The following KIF1B variants were observed in gnomAD, a reference collection of about 807,000 sequenced individuals.
The protein encoded by KIF1B is kinesin family member 1B.
In KIF1B, 76 loss-of-function variants were observed where a neutral mutation model predicts 241.9. That is an observed-to-expected ratio of 0.31 (90% CI 0.26 to 0.38). The LOEUF is 0.38. KIF1B is among the 10% of genes least tolerant of loss of function. The pLI is 1.00. For missense variants in KIF1B, 1,622 were observed against 2,271.4 expected, an observed-to-expected ratio of 0.71 and a Z score of 5.81; for synonymous variants, 750 against 796.7, an observed-to-expected ratio of 0.94 and a Z score of 0.99.
chr1:10,328,116 A>G (rs934574085), intron 27 of KIF1B, among the ~76,000 whole-genome samples: 3 of 152,088 alleles, frequency 2.0e-5, no homozygotes, highest in African/African-American at 7.2e-5. Context: ...TTTGAGCCCA[A>G]GAGTTTGAGG....
At chr1:10,333,528 A>G (rs1296833930) in intron 27 of KIF1B, among the ~76,000 whole-genome samples, 4 of 151,900 alleles carry the variant, frequency 2.6e-5, no homozygotes, top group African/African-American at 9.7e-5. Flanking sequence ...TGTCTCTAGT[A>G]AAAATACAAA....
intron 27 of KIF1B, among the ~76,000 whole-genome samples, chr1:10,327,193 C>T (rs1244453810): frequency 6.6e-6 from 1 of 151,652 alleles, no homozygotes; most frequent in Non-Finnish European, 1.5e-5. Context: ...CCATGAAACC[C>T]GTCTCTACTA....
Position 10,303,020 on chromosome 1 carries a change from T to G in KIF1B, c.2115+5774T>G. The stretch of plus-strand genomic sequence containing the variant: ...CATTATTGAGGGGTTTTTTTTGGTT[T>G]TGTTTTGTTTTTTAGTTTTTTTGGT... On this transcript the variant is annotated intron_variant, in intron 22 of 48. Coordinates refer to ENST00000676179, the MANE Select transcript of KIF1B (RefSeq NM_001365951.3). The surrounding 1 kb of genome is among the most constrained non-coding windows in gnomAD (Gnocchi z 5.2). The G allele has an allele frequency of 2.1e-6, 2 of 953,108 alleles. No homozygotes were observed. The highest frequency in any genetic ancestry group is 1.5e-6 in the Non-Finnish European group (1 of 647,100). The allele number at this position is 953,108 out of a possible 1,614,324, so 59.0% of individuals were successfully genotyped here. A position where few individuals can be genotyped will look rare whatever the true frequency, so the allele number is the denominator to read the frequency against.
At chr1:10,375,737 T>A (rs1390950827) in intron 48 of KIF1B, among the ~76,000 whole-genome samples, 8 of 151,502 alleles carry the variant, frequency 5.3e-5, no homozygotes, top group Non-Finnish European at 1.2e-4. Flanking sequence ...TTCAGGAATA[T>A]CAGGATAAAT....
At position 10,295,643 on chromosome 1, in the gene KIF1B, CT is replaced by C; in HGVS notation, c.1671-14del. ...TGTGTCTGAATTTCCCTGGGAAACACTTTCTCTTGTGTTCAGGGTTGGCCAA... is the reference window on the plus strand; with the variant it reads ...TGTGTCTGAATTTCCCTGGGAAACACTTCTCTTGTGTTCAGGGTTGGCCAA... On this transcript the variant is annotated splice_polypyrimidine_tract_variant and intron_variant, in intron 18 of 48. Transcript: ENST00000676179. The C allele has an allele frequency of 6.2e-7, 1 of 1,610,148 alleles. No individual in the cohort carries two copies. The highest frequency in any genetic ancestry group is 8.5e-7 in the Non-Finnish European group (1 of 1,176,936).
At chr1:10,219,845 A>G (rs945455433) in intron 1 of KIF1B, among the ~76,000 whole-genome samples, 1 of 152,104 alleles carries the variant, frequency 6.6e-6, no homozygotes, top group African/African-American at 2.4e-5. Context: ...AGGTGAGAGG[A>G]TTGCTTGCGC....
intron 1 of KIF1B, among the ~76,000 whole-genome samples, chr1:10,229,734 G>A (rs907259991): frequency 3.1e-4 from 47 of 151,414 alleles, no homozygotes; most frequent in African/African-American, 9.5e-4. Flanking sequence ...GGTGGCAGGC[G>A]CCTGTAGCCC....
At chr1:10,213,114 T>C (rs1265600628) in intron 1 of KIF1B, among the ~76,000 whole-genome samples, 1 of 151,884 alleles carries the variant, frequency 6.6e-6, no homozygotes, top group Non-Finnish European at 1.5e-5. Flanking sequence ...TGTTTTGAAA[T>C]TCCATGCCCT....
intron 27 of KIF1B, among the ~76,000 whole-genome samples, chr1:10,331,497 A>T (rs1402036307): frequency 6.6e-6 from 1 of 152,002 alleles, no homozygotes; most frequent in African/African-American, 2.4e-5. Flanking sequence ...ATTTGCAGTT[A>T]TTTTTGTTAT....
intron 48 of KIF1B, among the ~76,000 whole-genome samples, 183 bp downstream of exon 48, chr1:10,375,556 C>T (rs1238378435): frequency 3.3e-5 from 5 of 151,818 alleles, no homozygotes; most frequent in African/African-American, 9.7e-5. Flanking sequence ...GGCTAATTTT[C>T]GTATTTTTTG....
intron 27 of KIF1B, among the ~76,000 whole-genome samples, chr1:10,334,311 C>T (rs1473458015): frequency 1.3e-5 from 2 of 152,126 alleles, no homozygotes; most frequent in African/African-American, 2.4e-5. Context: ...TGTTGGTCTT[C>T]GTCAACAGTT....
Position 10,212,890 on chromosome 1 carries a change from GTATATATATATATATATATATATATATA to G in KIF1B, c.-80+2027_-80+2054del, listed in dbSNP as rs201066671. ...TATGTGTGTGTGTGCATGCGTGTGT[GTATATATATATATATATATATATATATA>G]TATATATATATATACACACACACAT... On this transcript the variant is annotated intron_variant, in intron 1 of 48. Coordinates refer to ENST00000676179, the MANE Select transcript of KIF1B (RefSeq NM_001365951.3). Among the ~76,000 whole-genome samples the G allele has an allele frequency of 3.4e-4, 37 of 109,498 alleles. No homozygotes were observed. The East Asian group carries it at 9.8e-3, about 29-fold the overall frequency. The allele number at this position is 109,498 out of a possible 152,430, so 71.8% of individuals were successfully genotyped here.
chr1:10,304,930 A>T (rs1314789108), intron 22 of KIF1B: 10 of 1,257,978 alleles, frequency 7.9e-6, no homozygotes, highest in Non-Finnish European at 1.0e-5. Flanking sequence ...TTACTTACAC[A>T]GACTTGTCCC....
chr1:10,324,811 C>A lies in KIF1B; in HGVS notation c.2591C>A (p.Ser864Tyr). 1 of 1,614,140 alleles carries A rather than the reference C, an allele frequency of 6.2e-7. No individual in the cohort carries two copies. The highest frequency in any genetic ancestry group is 8.5e-7 in the Non-Finnish European group (1 of 1,180,014). The change falls in exon 26 of 49, where the codon TCC becomes TAC. Residue 864 changes from serine to tyrosine, a missense_variant. Physicochemically the swap from Ser to Tyr is moderately radical, Grantham distance 144 (BLOSUM62 -2). Around this residue, in one of 7 missense-constraint regions of KIF1B, gnomAD observed 803 missense variants for 1,112.0 expected, o/e 0.72. Transcript: ENST00000676179. Reference protein sequence around the residue: ...EMYDRAGEMASSAQDESETTV... With the variant: ...EMYDRAGEMAYSAQDESETTV... ...TATGATAGGGCAGGGGAGATGGCCTCCAGTGCCCAAGACGAAAGCGAAACC... is the reference window on the plus strand; with the variant it reads ...TATGATAGGGCAGGGGAGATGGCCTACAGTGCCCAAGACGAAAGCGAAACC...
At chr1:10,227,458 C>G (rs924290053) in intron 1 of KIF1B, among the ~76,000 whole-genome samples, 1 of 152,210 alleles carries the variant, frequency 6.6e-6, no homozygotes, top group African/African-American at 2.4e-5. Context: ...GATGTGTCAT[C>G]TAAGTTGCTT....
intron 5 of KIF1B, among the ~76,000 whole-genome samples, chr1:10,263,141 G>A (rs1033581249): frequency 8.6e-5 from 13 of 151,698 alleles, no homozygotes; most frequent in African/African-American, 1.2e-4. Flanking sequence ...AAAATTAGCC[G>A]GCTGTGGTGG....
chr1:10,337,398 G>T lies in KIF1B; in HGVS notation c.3287G>T (p.Gly1096Val). 6.2e-7 allele frequency: 1 copy of T among 1,614,166 alleles called. No homozygotes were observed. Among genetic ancestry groups the T allele is most frequent in the Non-Finnish European group, 8.5e-7 (1 of 1,180,042 alleles). Residue 1096 changes from glycine (G) to valine (V), a missense_variant, in exon 31 of 49, where the codon GGT becomes GTT. Gly to Val is a moderately radical substitution (Grantham distance 109, BLOSUM62 -3). Coordinates refer to ENST00000676179, the MANE Select transcript of KIF1B (RefSeq NM_001365951.3). The surrounding 1 kb of genome is among the most constrained non-coding windows in gnomAD (Gnocchi z 4.0). The stretch of plus-strand genomic sequence containing the variant: ...TTGAAGTCAAGCACTTTGCTGGATG[G>T]TAAGATGGTAATGGAAGGGTTTTCT... ...LDLKSSTLLD[G>V]KMVMEGFSEE... is the part of the protein sequence containing the mutation.
chr1:10,216,873 C>T (rs535706595), intron 1 of KIF1B, among the ~76,000 whole-genome samples: 2 of 151,108 alleles, frequency 1.3e-5, no homozygotes, highest in Non-Finnish European at 2.9e-5. Flanking sequence ...CTGTCTTGGC[C>T]TCTGTTAGGG....
At chr1:10,370,780 T>C (rs1028523604) in intron 44 of KIF1B, among the ~76,000 whole-genome samples, 4 of 151,988 alleles carry the variant, frequency 2.6e-5, no homozygotes, top group African/African-American at 9.7e-5. Flanking sequence ...AAAATATTTG[T>C]AGGCTTGTTT....
Sources: allele counts gnomAD v4.1 joint callset (sites outside exome capture counted in the v4.1 genomes callset), GRCh38; gene constraint gnomAD v4.1.1; regional missense constraint gnomAD v4.1.1; non-coding constraint Gnocchi (gnomAD v3.1); transcripts MANE v1.5; gene names NCBI Gene and HGNC (gene_info 2026-07-23, HGNC 2026-07-21).